INPP5K: variants seen among roughly 807,000 people sequenced by gnomAD.
The protein encoded by INPP5K is inositol polyphosphate-5-phosphatase K, also known as inositol polyphosphate 5-phosphatase K.
In INPP5K, 35 loss-of-function variants were observed where a neutral mutation model predicts 53.5. The ratio of observed to expected loss-of-function variants is 0.65; its 90% CI spans 0.50 to 0.87. The LOEUF is 0.87. Ranked by LOEUF, INPP5K falls within the 40% of genes least tolerant of loss-of-function variation. INPP5K has a pLI of 0.00. For synonymous variants in INPP5K, 253 were observed against 232.8 expected (o/e 1.09, Z -0.79); for missense variants, 550 against 586.2 (o/e 0.94, Z 0.64).
chr17:1,496,488 G>T, intron 9 of INPP5K, 86 bp from the exon 10 acceptor site: 3 of 1,347,812 alleles, frequency 2.2e-6, no homozygotes, highest in Non-Finnish European at 3.1e-6. Context: ...TCCCTGCTGG[G>T]CCTGGCTACC....
Position 1,516,568 on chromosome 17 carries a change from C to A in INPP5K, c.-69G>T. Reference sequence around the variant, plus strand: ...CCCGGCCAGCGGGTCCCGGCCAGAGCAGCCCTGCGGGCGGCCGGTCTCACG... The same window carrying A: ...CCCGGCCAGCGGGTCCCGGCCAGAGAAGCCCTGCGGGCGGCCGGTCTCACG... On this transcript the variant is annotated 5_prime_UTR_variant, in exon 1 of 12. Transcript: ENST00000421807. 6.8e-7 allele frequency: 1 copy of A among 1,472,244 alleles called. No homozygotes were observed. Among genetic ancestry groups the A allele is most frequent in the Non-Finnish European group, 8.9e-7 (1 of 1,120,016 alleles). 91.2% of individuals were successfully genotyped at this position (1,472,244 alleles called of 1,614,324 possible).
intron 5 of INPP5K, 184 bp from the exon 6 acceptor site, chr17:1,508,410 A>C: frequency 6.8e-6 from 4 of 588,448 alleles, no homozygotes; most frequent in Non-Finnish European, 1.2e-5. Flanking sequence ...CCACCATTCA[A>C]ACCGGAGAGA....
Position 1,496,086 on chromosome 17 carries a change from C to T in INPP5K, c.1264G>A (p.Val422Met), listed in dbSNP as rs368974382. The change falls in exon 11 of 12, where the codon GTG becomes ATG. Residue 422 changes from valine (V) to methionine (M), a missense_variant. Coordinates refer to ENST00000421807, the MANE Select transcript of INPP5K (RefSeq NM_016532.4). The stretch of plus-strand genomic sequence containing the variant: ...TGGAAGGGTCTGCTTATCCCCACCA[C>T]AGAACGCAGACTGTTGCTGTAGTAA... ...LCYYSNSLRS[V>M]VGISRPFQIP... 3.1e-6 allele frequency: 5 copies of T among 1,612,284 alleles called. No homozygotes were observed. Among genetic ancestry groups the T allele is most frequent in the African/African-American group, 2.7e-5 (2 of 74,902 alleles).
chr17:1,497,719 A>G, intron 8 of INPP5K: 1 of 509,262 alleles, frequency 2.0e-6, no homozygotes, highest in Non-Finnish European at 3.5e-6. Flanking sequence ...GGAAATGGAA[A>G]CCTTTTCACA....
intron 7 of INPP5K, among the ~76,000 whole-genome samples, chr17:1,500,898 T>C (rs1011638151): frequency 2.4e-4 from 36 of 152,142 alleles, no homozygotes; most frequent in African/African-American, 8.7e-4. Context: ...ATCTTAATGT[T>C]TACAGCTCCA....
At chr17:1,501,697 G>C (rs1459518316) in intron 7 of INPP5K, among the ~76,000 whole-genome samples, 1 of 152,184 alleles carries the variant, frequency 6.6e-6, no homozygotes, top group African/African-American at 2.4e-5. Flanking sequence ...AATCTGCCTT[G>C]GACAGCAGGT....
At chr17:1,501,773 C>T (rs2075017549) in intron 7 of INPP5K, among the ~76,000 whole-genome samples, 1 of 152,030 alleles carries the variant, frequency 6.6e-6, no homozygotes, top group Non-Finnish European at 1.5e-5. Flanking sequence ...AATCCCAGCA[C>T]TGTGGGAGGC....
At chr17:1,498,805 C>T (rs2074930457) in intron 7 of INPP5K, among the ~76,000 whole-genome samples, 1 of 152,112 alleles carries the variant, frequency 6.6e-6, no homozygotes, top group Non-Finnish European at 1.5e-5. Context: ...GTATGTTTCC[C>T]AGCCTAGTTT....
chr17:1,516,122 A>T, intron 1 of INPP5K: 1 of 1,254,116 alleles, frequency 8.0e-7, no homozygotes, highest in Non-Finnish European at 1.0e-6. Flanking sequence ...GTATGTGCTG[A>T]TGAAAAGTAG....
rs775626565 is a variant in INPP5K at position 1,496,711 on chromosome 17, G to A, written c.1056C>T (p.Thr352=). The part of the protein sequence containing the change: ...ENDMMVSYSS[T]SDFPSSPWDW... Reference sequence around the variant, plus strand: ...CCCACGGGCTGCTGGGGAAGTCCGAGGTTGAAGAGTAGCTGACCATCATGT... The same window carrying A: ...CCCACGGGCTGCTGGGGAAGTCCGAAGTTGAAGAGTAGCTGACCATCATGT... Residue 352 remains threonine (T), a synonymous_variant, in exon 9 of 12, where the codon ACC becomes ACT. Coordinates refer to ENST00000421807, the MANE Select transcript of INPP5K (RefSeq NM_016532.4). 6.2e-7 allele frequency: 1 copy of A among 1,614,198 alleles called. No homozygotes were observed. Among genetic ancestry groups the A allele is most frequent in the Non-Finnish European group, 8.5e-7 (1 of 1,180,038 alleles).
In INPP5K at chr17:1,508,192, T is replaced by A. The variant is rs2075210144; in HGVS notation, c.589A>T (p.Ile197Phe). ...ACAAAGTGCAACCCAAAGTCCTCGA[T>A]CCGAAAGTTCATGTCTCCAAACCAG... ...IIWFGDMNFR[I>F]EDFGLHFVRE... The change falls in exon 6 of 12, where the codon ATC becomes TTC. Residue 197 changes from isoleucine (I) to phenylalanine (F), a missense_variant. Ile to Phe is a conservative substitution (Grantham distance 21, BLOSUM62 0). Coordinates refer to ENST00000421807, the MANE Select transcript of INPP5K (RefSeq NM_016532.4). The A allele has an allele frequency of 1.2e-6, 2 of 1,613,992 alleles. No homozygotes were observed. The highest frequency in any genetic ancestry group is 1.7e-6 in the Non-Finnish European group (2 of 1,179,968).
chr17:1,498,307 A>C, intron 7 of INPP5K, 185 bp from the exon 8 acceptor site: 1 of 501,276 alleles, frequency 2.0e-6, no homozygotes, highest in Non-Finnish European at 3.6e-6. Flanking sequence ...ACAGAATCCA[A>C]AGTATGCCAG....
At chr17:1,498,381 G>A (rs1315893957) in intron 7 of INPP5K, among the ~76,000 whole-genome samples, 1 of 152,140 alleles carries the variant, frequency 6.6e-6, no homozygotes, top group African/African-American at 2.4e-5. Context: ...ATCAAATTGT[G>A]ACTCAGAAAC....
Position 1,496,358 on chromosome 17 carries a change from G to C in INPP5K, c.1146C>G (p.Val382=). Residue 382 remains valine (V), a synonymous_variant, in exon 10 of 12, where the codon GTC becomes GTG. Coordinates refer to ENST00000421807, the MANE Select transcript of INPP5K (RefSeq NM_016532.4). ...DVNDYVSYAW[V]GDSKVSCSDN... ...CGCTGCAGGAGACCTTGCTGTCCCC[G>C]ACCCAGGCATAGGACACGTAGTCAT... 2.6e-6 allele frequency: 4 copies of C among 1,564,154 alleles called. No homozygotes were observed. In the South Asian group the frequency reaches 3.5e-5, roughly 14 times the overall value.
At chr17:1,503,859 A>G (rs971624080) in intron 7 of INPP5K, among the ~76,000 whole-genome samples, 2 of 152,064 alleles carry the variant, frequency 1.3e-5, no homozygotes, top group Non-Finnish European at 2.9e-5. Flanking sequence ...GTTTCTCATT[A>G]CATCTTGGCT....
In INPP5K at chr17:1,496,105, G is replaced by A. The variant is rs754331645; in HGVS notation, c.1245C>T (p.Tyr415=). 6 of 1,613,218 alleles carry A rather than the reference G, an allele frequency of 3.7e-6. No individual in the cohort carries two copies. Among genetic ancestry groups the A allele is most frequent in the African/African-American group, 1.3e-5 (1 of 74,916 alleles). The change falls in exon 11 of 12, where the codon TAC becomes TAT. Residue 415 remains tyrosine, a synonymous_variant. Coordinates refer to ENST00000421807, the MANE Select transcript of INPP5K (RefSeq NM_016532.4). The part of the protein sequence containing the change: ...TTEDEFLLCY[Y]SNSLRSVVGI... ...CCACCACAGAACGCAGACTGTTGCT[G>A]TAGTAACAGAGGAGAAACTCATCTT...
At position 1,496,146 on chromosome 17, in the gene INPP5K, T is replaced by TA; in HGVS notation, c.1203_1204insT (p.Asn402Ter). On this transcript the variant is annotated frameshift_variant, in exon 11 of 12. Coordinates refer to ENST00000421807, the MANE Select transcript of INPP5K (RefSeq NM_016532.4). LOFTEE classifies it high-confidence loss of function. ...AACTCATCTTCAGTGGTAGGGATAT[T>TA]GCTGATGTCGATGTAAACCTGGAGG... is the stretch of plus-strand genomic sequence containing the variant. 6.2e-7 allele frequency: 1 copy of TA among 1,612,014 alleles called. No individual in the cohort carries two copies.
chr17:1,501,483 G>A (rs1464474249), intron 7 of INPP5K, among the ~76,000 whole-genome samples: 3 of 152,186 alleles, frequency 2.0e-5, no homozygotes, highest in Admixed American at 6.6e-5. Flanking sequence ...CTGTTAAGAC[G>A]GGGTGATAAC....
At position 1,515,467 on chromosome 17, in the gene INPP5K, A is replaced by G. The variant is rs1018930914; in HGVS notation, c.44+989T>C. 3 of 985,474 alleles carry G rather than the reference A, an allele frequency of 3.0e-6. No individual in the cohort carries two copies. In the African/African-American group the frequency reaches 5.2e-5, roughly 17 times the overall value. 61.0% of individuals were successfully genotyped at this position (985,474 alleles called of 1,614,324 possible). On this transcript the variant is annotated intron_variant, in intron 1 of 11. Coordinates refer to ENST00000421807, the MANE Select transcript of INPP5K (RefSeq NM_016532.4). The stretch of plus-strand genomic sequence containing the variant: ...AACAGTCAGTCACAGCAGCTCTTCA[A>G]GAAGCCTCAGACTGTGCGGAGCACA...
Sources: allele counts gnomAD v4.1 joint callset (sites outside exome capture counted in the v4.1 genomes callset), GRCh38; gene constraint gnomAD v4.1.1; transcripts MANE v1.5; gene names NCBI Gene and HGNC (gene_info 2026-07-23, HGNC 2026-07-21).